Variants in TMCO5A observed in about 807,000 individuals in gnomAD.
TMCO5A encodes transmembrane and coiled-coil domain-containing protein 5A.
TMCO5A carries 34 observed loss-of-function variants against 42.3 expected under a neutral mutation model. That is an observed-to-expected ratio of 0.80 (90% CI 0.61 to 1.07). The LOEUF (loss-of-function observed/expected upper bound fraction) is 1.07, where lower values mean the gene tolerates loss of function less well. TMCO5A is among the 50% of genes least tolerant of loss of function. The pLI is 0.00. For missense variants in TMCO5A, 357 were observed against 327.9 expected (o/e 1.09, Z -0.69); for synonymous variants, 131 against 115.6 (o/e 1.13, Z -0.86).
chr15:38,008,051 A>T, the TMCO5A span, among the ~76,000 whole-genome samples: 76 of 151,480 alleles, frequency 5.0e-4, no homozygotes, highest in Middle Eastern at 3.4e-3. Flanking sequence ...GCCTGCCACC[A>T]CGCCTGGCTA....
At chr15:37,981,729 C>A in the TMCO5A span, among the ~76,000 whole-genome samples, 1 of 152,140 alleles carries the variant, frequency 6.6e-6, no homozygotes, top group Non-Finnish European at 1.5e-5. Flanking sequence ...CAGTGCAGAC[C>A]TGGGAAGGTA....
chr15:38,023,460 A>T, the TMCO5A span, among the ~76,000 whole-genome samples: 32 of 152,220 alleles, frequency 2.1e-4, no homozygotes, highest in Non-Finnish European at 3.7e-4. Flanking sequence ...GAGTAGTTTG[A>T]CCTCTTACAT....
At position 37,961,337 on chromosome 15, in the gene TMCO5A, T is replaced by C. The variant is rs1017299730; in HGVS notation, c.669-5288T>C. Among the ~76,000 whole-genome samples the C allele has an allele frequency of 3.3e-5, 5 of 152,006 alleles. No individual in the cohort carries two copies. In the South Asian group the frequency reaches 6.2e-4, roughly 19 times the overall value. ...TTACGTTTTTGTTTGCTTTGTCGAA[T>C]ATCAGTTGGCTATAAGTATTTGGGT... is the stretch of plus-strand genomic sequence containing the variant. On this transcript the variant is annotated intron_variant, in intron 11 of 11. Coordinates refer to the TMCO5A transcript ENST00000559502.
At chr15:37,972,698 T>C (rs1353799509), downstream of TMCO5A, among the ~76,000 whole-genome samples, 2 of 152,244 alleles carry the variant, frequency 1.3e-5, no homozygotes, top group South Asian at 2.1e-4. Flanking sequence ...ATTGGATATA[T>C]AGCTTGCATA....
chr15:37,971,623 T>A (rs573214111), downstream of TMCO5A, among the ~76,000 whole-genome samples: 19 of 152,362 alleles, frequency 1.2e-4, no homozygotes, highest in African/African-American at 4.6e-4. Context: ...GTTTCCCTTT[T>A]AAAACAATGT....
intron 8 of TMCO5A, 62 bp downstream of exon 8, chr15:37,941,792 A>C (rs762548696): frequency 2.8e-6 from 4 of 1,421,120 alleles, no homozygotes; most frequent in Non-Finnish European, 9.9e-7. Context: ...AAATAGAACA[A>C]GGATTTTCAA....
At chr15:37,977,378 CTGT>C in the TMCO5A span, among the ~76,000 whole-genome samples, 2 of 152,262 alleles carry the variant, frequency 1.3e-5, no homozygotes, top group South Asian at 4.1e-4. Context: ...TGAGTATAGT[CTGT>C]TGTCTTCATT....
the TMCO5A span, among the ~76,000 whole-genome samples, chr15:37,997,461 A>C: frequency 1.3e-5 from 2 of 152,300 alleles, no homozygotes; most frequent in East Asian, 3.9e-4. Flanking sequence ...ATAAGTGAAA[A>C]TGTGGTTTGT....
chr15:38,003,375 C>T, the TMCO5A span, among the ~76,000 whole-genome samples: 1 of 152,082 alleles, frequency 6.6e-6, no homozygotes, highest in Non-Finnish European at 1.5e-5. Context: ...ACTCAAGGCC[C>T]GCAGTTACCA....
chr15:37,938,170 T>A lies in TMCO5A; in HGVS notation c.328T>A (p.Ser110Thr). The A allele has an allele frequency of 6.3e-7, 1 of 1,578,116 alleles. No individual in the cohort carries two copies. Among genetic ancestry groups the A allele is most frequent in the African/African-American group, 1.4e-5 (1 of 73,332 alleles). ...TELQQKLTRK[S>T]QKITNCEQSS... Reference sequence around the variant, plus strand: ...TTTGAAACTATAGCTTACAAGGAAATCACAAAAGATAACCAATTGTGAACA... The same window carrying A: ...TTTGAAACTATAGCTTACAAGGAAAACACAAAAGATAACCAATTGTGAACA... Residue 110 changes from serine to threonine, a missense_variant, in exon 6 of 12, where the codon TCA (serine) becomes ACA (threonine). Physicochemically the swap from Ser to Thr is moderately conservative, Grantham distance 58. Transcript: ENST00000319669.
chr15:37,972,854 G>T, the TMCO5A span, among the ~76,000 whole-genome samples: 1 of 152,106 alleles, frequency 6.6e-6, no homozygotes, highest in African/African-American at 2.4e-5. Flanking sequence ...ATCTTTGTGA[G>T]GACGTATGTC....
chr15:37,936,814 TG>T, intron 3 of TMCO5A, 32 bp from the exon 4 acceptor site: 2 of 1,608,962 alleles, frequency 1.2e-6, no homozygotes, highest in Non-Finnish European at 1.7e-6. Flanking sequence ...CTGCCAAGCA[TG>T]GGTCCTCATG....
intron 11 of TMCO5A, among the ~76,000 whole-genome samples, chr15:37,961,809 T>C (rs1210551263): frequency 6.6e-6 from 1 of 151,938 alleles, no homozygotes; most frequent in African/African-American, 2.4e-5. Flanking sequence ...GTAAAAGGGG[T>C]TGAATTCTTG....
At chr15:38,032,895 G>T in the TMCO5A span, among the ~76,000 whole-genome samples, 1 of 148,932 alleles carries the variant, frequency 6.7e-6, no homozygotes, top group Admixed American at 6.7e-5. Flanking sequence ...AGTAGACTGT[G>T]TTGGCTGATC....
the TMCO5A span, among the ~76,000 whole-genome samples, chr15:37,998,781 T>C: frequency 6.6e-6 from 1 of 152,220 alleles, no homozygotes; most frequent in African/African-American, 2.4e-5. Flanking sequence ...TGTAGATTGC[T>C]TTAGGTAGTA....
intron 9 of TMCO5A, 166 bp from the exon 10 acceptor site, chr15:37,943,175 G>A (rs1484389623): frequency 3.5e-6 from 2 of 568,390 alleles, no homozygotes; most frequent in African/African-American, 1.9e-5. Context: ...ACTCAACTGA[G>A]GAAATTAATT....
chr15:37,945,054 G>C (rs1447584626), intron 10 of TMCO5A, among the ~76,000 whole-genome samples: 2 of 152,042 alleles, frequency 1.3e-5, no homozygotes, highest in Non-Finnish European at 2.9e-5. Flanking sequence ...AAGCTCCAGT[G>C]TGTGTTGTTC....
chr15:37,957,342 C>T (rs1359078594), intron 11 of TMCO5A, among the ~76,000 whole-genome samples: 2 of 152,126 alleles, frequency 1.3e-5, no homozygotes, highest in Non-Finnish European at 2.9e-5. Flanking sequence ...TTAGAAAACC[C>T]CATTGTCTCA....
At chr15:37,945,636 C>T (rs1016688076) in intron 10 of TMCO5A, among the ~76,000 whole-genome samples, 1 of 151,998 alleles carries the variant, frequency 6.6e-6, no homozygotes, top group East Asian at 1.9e-4. Context: ...TAATGTTGAA[C>T]TTTTTTTGTG....
Sources: gnomAD v4.1 joint callset for allele counts (sites outside exome capture counted in the v4.1 genomes callset) on GRCh38, gnomAD v4.1.1 for gene constraint, MANE v1.5 for transcripts, NCBI Gene and HGNC (gene_info 2026-07-23, HGNC 2026-07-21) for gene names.